TRPM3: variants seen among roughly 807,000 people sequenced by gnomAD.
The protein encoded by TRPM3 is long transient receptor potential channel 3.
Under a neutral mutation model 181.2 loss-of-function variants are expected in TRPM3, and 77 were observed. The observed-to-expected ratio is 0.42, with a 90% CI of 0.35 to 0.51. The LOEUF is 0.51. Among genes scored for constraint, TRPM3 ranks in the 20% least tolerant of loss-of-function variants. The pLI, the probability that TRPM3 is intolerant of heterozygous loss-of-function variation, is 0.01. For synonymous variants in TRPM3, 745 were observed against 796.4 expected (o/e 0.94, Z 1.09); for missense variants, 1,759 against 2,196.7 (o/e 0.80, Z 3.98).
chr9:70,790,459 T>C (rs1026087606), intron 6 of TRPM3, among the ~76,000 whole-genome samples: 2 of 152,204 alleles, frequency 1.3e-5, no homozygotes, highest in Non-Finnish European at 2.9e-5. Context: ...CAGTTAGCAA[T>C]TCCTTGCCTT....
intron 9 of TRPM3, among the ~76,000 whole-genome samples, chr9:70,666,423 T>C (rs2061855996): frequency 6.6e-6 from 1 of 152,252 alleles, no homozygotes. Flanking sequence ...CCTCCAGTAG[T>C]TTCTGAAGAA....
intron 22 of TRPM3, among the ~76,000 whole-genome samples, chr9:70,584,865 C>T (rs1564436951): frequency 6.6e-6 from 1 of 152,202 alleles, no homozygotes; most frequent in Non-Finnish European, 1.5e-5. Context: ...ACAGCAAAGC[C>T]TCAATCTTGG....
chr9:71,290,010 T>C (rs921679182), intron 1 of TRPM3, among the ~76,000 whole-genome samples: 8 of 136,026 alleles, frequency 5.9e-5, no homozygotes, highest in Non-Finnish European at 8.8e-5. Flanking sequence ...ATATATTATG[T>C]TCTTGTATCA....
At chr9:71,008,848 AAAC>A (rs747226589) in intron 1 of TRPM3, among the ~76,000 whole-genome samples, 8 of 152,382 alleles carry the variant, frequency 5.2e-5, no homozygotes, top group Admixed American at 1.3e-4. Flanking sequence ...CCATCTCAAA[AAAC>A]AACAACAACA....
At chr9:71,242,149 G>A (rs776527785) in intron 1 of TRPM3, among the ~76,000 whole-genome samples, 12 of 152,306 alleles carry the variant, frequency 7.9e-5, no homozygotes, top group Non-Finnish European at 5.9e-5. Flanking sequence ...AGCTTCCATT[G>A]TTCTTCAGTA....
chr9:70,798,547 C>T (rs150795698), intron 6 of TRPM3, among the ~76,000 whole-genome samples: 1,706 of 152,260 alleles, frequency 0.011, 14 homozygotes, highest in Non-Finnish European at 0.017. Context: ...AGGAGAGCTT[C>T]TTCCACTTAA....
At chr9:71,390,109 G>C (rs894824716) in intron 1 of TRPM3, among the ~76,000 whole-genome samples, 1 of 152,056 alleles carries the variant, frequency 6.6e-6, no homozygotes, top group Non-Finnish European at 1.5e-5. Flanking sequence ...TCAGTAGATA[G>C]TTAGGTATGC....
At chr9:70,889,407 G>A (rs893229584) in intron 1 of TRPM3, among the ~76,000 whole-genome samples, 39 of 152,234 alleles carry the variant, frequency 2.6e-4, no homozygotes, top group Non-Finnish European at 4.3e-4. Flanking sequence ...ATTGATGGGC[G>A]AGGTCCCCGC....
intron 1 of TRPM3, among the ~76,000 whole-genome samples, chr9:71,418,636 T>C (rs1258098313): frequency 6.6e-6 from 1 of 151,472 alleles, no homozygotes; most frequent in Non-Finnish European, 1.5e-5. Flanking sequence ...TCATCACTAG[T>C]GATATCAGAA....
chr9:71,203,668 C>T (rs1587936280), intron 1 of TRPM3, among the ~76,000 whole-genome samples: 1 of 152,274 alleles, frequency 6.6e-6, no homozygotes, highest in South Asian at 2.1e-4. Context: ...ATGATGATTA[C>T]AGTTATATCT....
At chr9:70,831,339 T>C (rs539782369) in intron 5 of TRPM3, among the ~76,000 whole-genome samples, 1 of 152,022 alleles carries the variant, frequency 6.6e-6, no homozygotes, top group Non-Finnish European at 1.5e-5. Context: ...TCTGAAAAAA[T>C]TTTGGAAGTA....
intron 25 of TRPM3, among the ~76,000 whole-genome samples, chr9:70,547,781 T>A (rs2045411369): frequency 6.6e-6 from 1 of 152,078 alleles, no homozygotes; most frequent in African/African-American, 2.4e-5. Flanking sequence ...ACCTTGGCCA[T>A]CCTCTTTGAG....
At chr9:71,432,955 C>G (rs933167975) in intron 1 of TRPM3, among the ~76,000 whole-genome samples, 1 of 152,110 alleles carries the variant, frequency 6.6e-6, no homozygotes, top group Non-Finnish European at 1.5e-5. Flanking sequence ...ATTATACACA[C>G]AAGTTGGAAT....
chr9:70,898,192 G>A (rs2096312369), intron 1 of TRPM3, among the ~76,000 whole-genome samples: 1 of 150,878 alleles, frequency 6.6e-6, no homozygotes, highest in African/African-American at 2.4e-5. Context: ...GCGCGATCTC[G>A]GCTCACTGCA....
intron 1 of TRPM3, among the ~76,000 whole-genome samples, chr9:71,279,852 C>T (rs112379442): frequency 0.071 from 10,740 of 152,010 alleles, 512 homozygotes; most frequent in Non-Finnish European, 0.11. Context: ...CCGAGGCAGG[C>T]GGATCACCTG....
At position 71,238,713 on chromosome 9, in the gene TRPM3, G is replaced by A; in HGVS notation, c.183+207940C>T. Among the ~76,000 whole-genome samples the A allele has an allele frequency of 1.3e-5, 2 of 152,172 alleles. 1 individual carries two copies. Among genetic ancestry groups the A allele is most frequent in the Non-Finnish European group, 2.9e-5 (2 of 68,022 alleles). ...AGAACTTTAAGCATTCAGGCCATGT[G>A]AAGGTTGTCAAGAAAACTTATGAAT... On this transcript the variant is annotated intron_variant, in intron 1 of 24. Coordinates refer to the TRPM3 transcript ENST00000357533.
intron 1 of TRPM3, among the ~76,000 whole-genome samples, chr9:71,000,906 T>C (rs1160835823): frequency 1.3e-5 from 2 of 152,228 alleles, no homozygotes; most frequent in Non-Finnish European, 2.9e-5. Flanking sequence ...AAGGAACTGA[T>C]ATTAGTCTGA....
rs765360533 is a variant in TRPM3 at position 70,761,592 on chromosome 9, A to G, written c.1272+9T>C. On this transcript the variant is annotated intron_variant, in intron 8 of 25. Transcript: ENST00000677713. Reference sequence around the variant, plus strand: ...GGAGACAGCTGGCCACCCATGCGGAATTACCTACCAATTCCTTCTTCTTCA... The same window carrying G: ...GGAGACAGCTGGCCACCCATGCGGAGTTACCTACCAATTCCTTCTTCTTCA... The G allele has an allele frequency of 6.2e-6, 10 of 1,613,998 alleles. No homozygotes were observed. The highest frequency in any genetic ancestry group is 7.6e-6 in the Non-Finnish European group (9 of 1,179,960).
intron 1 of TRPM3, among the ~76,000 whole-genome samples, chr9:71,263,291 C>A (rs1451183988): frequency 6.6e-6 from 1 of 152,040 alleles, no homozygotes; most frequent in Non-Finnish European, 1.5e-5. Context: ...TTACTGTGAC[C>A]AAATTTGTAC....
Sources: allele counts gnomAD v4.1 joint callset (sites outside exome capture counted in the v4.1 genomes callset), GRCh38; gene constraint gnomAD v4.1.1; transcripts MANE v1.5; gene names NCBI Gene and HGNC (gene_info 2026-07-23, HGNC 2026-07-21).